The following POLE2 variants were observed in gnomAD, a reference collection of about 807,000 sequenced individuals.
The protein encoded by POLE2 is DNA polymerase epsilon subunit 2.
A neutral mutation model predicts 79.4 loss-of-function variants in POLE2; 56 were observed. The ratio of observed to expected loss-of-function variants is 0.71; its 90% CI spans 0.57 to 0.88. The LOEUF (loss-of-function observed/expected upper bound fraction) is 0.88, where lower values mean the gene tolerates loss of function less well. Among genes scored for constraint, POLE2 ranks in the 40% least tolerant of loss-of-function variants. The probability of loss-of-function intolerance (pLI) is 0.00; values close to 1 mark genes in which losing one functional copy is unlikely to be tolerated. For synonymous variants in POLE2, 212 were observed against 214.0 expected (o/e 0.99, Z 0.08); for missense variants, 598 against 638.9 (o/e 0.94, Z 0.69).
At chr14:49,686,914 T>C (rs140878855) in intron 1 of POLE2, among the ~76,000 whole-genome samples, 128 of 152,092 alleles carry the variant, frequency 8.4e-4, no homozygotes, top group African/African-American at 2.5e-3. Flanking sequence ...CAACCAAAAA[T>C]CTACACACAC....
At chr14:49,663,714 A>G (rs989934453) in intron 9 of POLE2, among the ~76,000 whole-genome samples, 38 of 152,290 alleles carry the variant, frequency 2.5e-4, no homozygotes, top group African/African-American at 8.4e-4. Flanking sequence ...TTCACATACT[A>G]TACAATTCAC....
intron 2 of POLE2, among the ~76,000 whole-genome samples, chr14:49,680,859 C>T (rs1886651943): frequency 6.6e-6 from 1 of 151,976 alleles, no homozygotes; most frequent in African/African-American, 2.4e-5. Context: ...TCTCGATCTC[C>T]TGACCTCGTG....
At chr14:49,678,629 T>C (rs998552533) in intron 3 of POLE2, among the ~76,000 whole-genome samples, 1 of 152,122 alleles carries the variant, frequency 6.6e-6, no homozygotes, top group African/African-American at 2.4e-5. Context: ...TTGATGGCTT[T>C]AGGAACATTC....
chr14:49,664,969 A>T, intron 8 of POLE2, 138 bp downstream of exon 8: 1 of 654,682 alleles, frequency 1.5e-6, no homozygotes, highest in East Asian at 2.8e-5. Flanking sequence ...GTTTAGGATT[A>T]TATCTCTACA....
chr14:49,658,431 T>A (rs554176493), intron 10 of POLE2, among the ~76,000 whole-genome samples: 1 of 152,316 alleles, frequency 6.6e-6, no homozygotes, highest in East Asian at 1.9e-4. Flanking sequence ...CCTGTTCGAC[T>A]TCAGCTGGGA....
At chr14:49,676,637 G>A (rs774092044) in intron 3 of POLE2, among the ~76,000 whole-genome samples, 24 of 152,238 alleles carry the variant, frequency 1.6e-4, no homozygotes, top group Non-Finnish European at 2.9e-4. Flanking sequence ...TGAGGAGTAC[G>A]GGCTGGCCGA....
chr14:49,655,207 T>G (rs1884565309), intron 11 of POLE2, 113 bp from the exon 12 acceptor site: 2 of 352,576 alleles, frequency 5.7e-6, no homozygotes, highest in African/African-American at 2.2e-5. Flanking sequence ...AAATAACATT[T>G]TAATAACTTA....
At chr14:49,645,833 A>AT (rs1210424740) in intron 18 of POLE2, among the ~76,000 whole-genome samples, 1 of 152,172 alleles carries the variant, frequency 6.6e-6, no homozygotes, top group Non-Finnish European at 1.5e-5. Context: ...AGGCCTTGCC[A>AT]TGTTGCCCAG....
chr14:49,673,293 G>A (rs544296417), intron 5 of POLE2, among the ~76,000 whole-genome samples: 3 of 152,220 alleles, frequency 2.0e-5, no homozygotes, highest in South Asian at 2.1e-4. Context: ...ACCTGGCTGC[G>A]ACCGAGTTTC....
At chr14:49,658,329 G>A (rs1447669631) in intron 10 of POLE2, among the ~76,000 whole-genome samples, 1 of 152,016 alleles carries the variant, frequency 6.6e-6, no homozygotes, top group Non-Finnish European at 1.5e-5. Context: ...GCCCGCCTAG[G>A]CTTCCCAAAG....
At chr14:49,687,492 G>A (rs1887238275) in intron 1 of POLE2, among the ~76,000 whole-genome samples, 2 of 151,916 alleles carry the variant, frequency 1.3e-5, no homozygotes, top group Non-Finnish European at 2.9e-5. Flanking sequence ...GCTTTCTCGG[G>A]TCTCTCATCT....
chr14:49,677,061 G>T (rs1159595979), intron 3 of POLE2, among the ~76,000 whole-genome samples: 1 of 152,244 alleles, frequency 6.6e-6, no homozygotes, highest in East Asian at 1.9e-4. Flanking sequence ...GAACCTGGGG[G>T]AGAGTGGGTT....
chr14:49,679,704 A>T (rs1886558892), intron 3 of POLE2, 21 bp downstream of exon 3: 1 of 1,392,190 alleles, frequency 7.2e-7, no homozygotes, highest in Non-Finnish European at 1.0e-6. Flanking sequence ...AGGAGGAAAA[A>T]AGTTAACTGT....
intron 3 of POLE2, 55 bp from the exon 4 acceptor site, chr14:49,674,482 G>C (rs1243598054): frequency 9.9e-7 from 1 of 1,010,824 alleles, no homozygotes; most frequent in Admixed American, 2.0e-5. Context: ...AAGTACTCTA[G>C]GTGAACATGA....
intron 3 of POLE2, chr14:49,677,476 C>A: frequency 2.1e-6 from 1 of 477,242 alleles, no homozygotes; most frequent in Admixed American, 3.4e-5. Flanking sequence ...TTTTAATACA[C>A]TTGGATGCCA....
chr14:49,664,975 C>T, intron 8 of POLE2, 132 bp downstream of exon 8: 1 of 660,078 alleles, frequency 1.5e-6, no homozygotes. Flanking sequence ...GATTATATCT[C>T]TACATTCCTA....
At chr14:49,662,633 A>G (rs1333671923) in intron 10 of POLE2, among the ~76,000 whole-genome samples, 1 of 152,276 alleles carries the variant, frequency 6.6e-6, no homozygotes, top group African/African-American at 2.4e-5. Flanking sequence ...GTGAGAATTC[A>G]GGCTCTGTAT....
At chr14:49,681,622 A>C (rs1886709853) in intron 2 of POLE2, among the ~76,000 whole-genome samples, 1 of 151,982 alleles carries the variant, frequency 6.6e-6, no homozygotes, top group African/African-American at 2.4e-5. Context: ...AAAAATATAA[A>C]AATTAGCCTG....
chr14:49,665,106 T>C lies in POLE2; in HGVS notation c.633+1A>G. The C allele has an allele frequency of 2.3e-6, 3 of 1,324,776 alleles. No individual in the cohort carries two copies. The highest frequency in any genetic ancestry group is 3.2e-6 in the Non-Finnish European group (3 of 923,998). 82.1% of individuals were successfully genotyped at this position (1,324,776 alleles called of 1,614,324 possible). A position where few individuals can be genotyped will look rare whatever the true frequency, so the allele number is the denominator to read the frequency against. On this transcript the variant is annotated splice_donor_variant, in intron 8 of 18. Transcript: ENST00000216367. LOFTEE classifies it high-confidence loss of function. Reference sequence around the variant, plus strand: ...AAAAAATACAGACAAGTGAAGGATATAGCTTTACTAAGGTCTAGTTGGACT... The same window carrying C: ...AAAAAATACAGACAAGTGAAGGATACAGCTTTACTAAGGTCTAGTTGGACT...
Sources: gnomAD v4.1 joint callset for allele counts (sites outside exome capture counted in the v4.1 genomes callset) on GRCh38, gnomAD v4.1.1 for gene constraint, MANE v1.5 for transcripts, NCBI Gene and HGNC (gene_info 2026-07-23, HGNC 2026-07-21) for gene names.